The following USP31 variants were observed in gnomAD, a reference collection of about 807,000 sequenced individuals.
The protein encoded by USP31 is ubiquitin carboxyl-terminal hydrolase 31.
In USP31, 44 loss-of-function variants were observed where a neutral mutation model predicts 119.4. The observed-to-expected ratio is 0.37, with a 90% CI of 0.29 to 0.47. The LOEUF (loss-of-function observed/expected upper bound fraction) is 0.47. Ranked by LOEUF, USP31 falls within the 20% of genes least tolerant of loss-of-function variation. The pLI is 0.99. For missense variants in USP31, 1,643 were observed against 1,730.2 expected, an observed-to-expected ratio of 0.95 and a Z score of 0.89; for synonymous variants, 749 against 705.6, an observed-to-expected ratio of 1.06 and a Z score of -0.97.
rs1013890778 is a variant in USP31, at chr16:23,086,000, A to G, written c.1623-338T>C. Among the ~76,000 whole-genome samples the G allele has an allele frequency of 7.9e-5, 12 of 152,032 alleles. No homozygotes were observed. In the East Asian group the frequency reaches 1.9e-3, roughly 24 times the overall value. On this transcript the variant is annotated intron_variant, in intron 9 of 15. Transcript: ENST00000219689. ...TCTTGCCCAATTTTTCACCCACCCA[A>G]ACAGACACTGGACGGTAGTCCCCTG...
intron 1 of USP31, among the ~76,000 whole-genome samples, chr16:23,135,234 A>G (rs2141899236): frequency 6.6e-6 from 1 of 152,220 alleles, no homozygotes; most frequent in African/African-American, 2.4e-5. Flanking sequence ...AGCTAACATC[A>G]TACTGAATGG....
intron 7 of USP31, among the ~76,000 whole-genome samples, chr16:23,088,531 C>G (rs1356369546): frequency 1.3e-5 from 2 of 152,210 alleles, no homozygotes; most frequent in African/African-American, 4.8e-5. Context: ...CAACTCTCAT[C>G]CACGCCCAGT....
chr16:23,076,521 C>A (rs1900582887), intron 13 of USP31, among the ~76,000 whole-genome samples: 1 of 152,068 alleles, frequency 6.6e-6, no homozygotes, highest in Admixed American at 6.6e-5. Context: ...AACATGGTAG[C>A]CAAATTAGTG....
chr16:23,108,086 A>G lies in USP31; in HGVS notation c.731T>C (p.Leu244Pro), dbSNP rs769485272. The G allele has an allele frequency of 6.2e-7, 1 of 1,614,088 alleles. No individual in the cohort carries two copies. Among genetic ancestry groups the G allele is most frequent in the Non-Finnish European group, 8.5e-7 (1 of 1,179,990 alleles). Residue 244 changes from leucine to proline, a missense_variant, in exon 2 of 16, where the codon CTC (leucine) becomes CCC (proline). Leu to Pro is a moderately conservative substitution (Grantham distance 98). Around this residue, in one of 5 missense-constraint regions of USP31, gnomAD observed 144 missense variants for 218.0 expected, o/e 0.66. Coordinates refer to ENST00000219689, the MANE Select transcript of USP31 (RefSeq NM_020718.4). ...GCCACTCTGCTTCACTGAATGGTTG[A>G]GGTCTTCATGAACTCGGTCCAAAAG... is the stretch of plus-strand genomic sequence containing the variant. ...LWLLDRVHEDLNHSVKQSGQP... is the reference protein window; with the variant it reads ...LWLLDRVHEDPNHSVKQSGQP...
At position 23,080,030 on chromosome 16, in the gene USP31, G is replaced by A. The variant is rs779096109; in HGVS notation, c.2092C>T (p.Leu698Phe). Residue 698 changes from leucine (L) to phenylalanine (F), a missense_variant, in exon 13 of 16, where the codon CTC (leucine) becomes TTC (phenylalanine). Leu to Phe is a conservative substitution (Grantham distance 22). Around this residue, in one of 5 missense-constraint regions of USP31, gnomAD observed 279 missense variants for 372.2 expected, o/e 0.75. Coordinates refer to ENST00000219689, the MANE Select transcript of USP31 (RefSeq NM_020718.4). The stretch of plus-strand genomic sequence containing the variant: ...ATGTAGTCCTCAGGGTCCCTCCCGA[G>A]TCCATAGGGCCGTCTCCACGGGGAC... The part of the protein sequence containing the change: ...HWSPWRRPYG[L>F]GRDPEDYIYD... 2 of 1,613,950 alleles carry A rather than the reference G, an allele frequency of 1.2e-6. No homozygotes were observed. Among genetic ancestry groups the A allele is most frequent in the Non-Finnish European group, 1.7e-6 (2 of 1,180,036 alleles).
At chr16:23,105,630 T>A (rs995863452) in intron 4 of USP31, 54 bp from the exon 5 acceptor site, 1 of 1,473,238 alleles carries the variant, frequency 6.8e-7, no homozygotes, top group Non-Finnish European at 9.0e-7. Context: ...AACTAAAATA[T>A]AGAAGATGCA....
At chr16:23,128,333 T>C (rs1377013557) in intron 1 of USP31, among the ~76,000 whole-genome samples, 1 of 152,182 alleles carries the variant, frequency 6.6e-6, no homozygotes, top group East Asian at 1.9e-4. Context: ...AGGCTACTAG[T>C]ACAGTCTCAA....
intron 7 of USP31, among the ~76,000 whole-genome samples, chr16:23,088,633 C>A (rs1026659301): frequency 4.6e-5 from 7 of 152,192 alleles, no homozygotes; most frequent in Admixed American, 2.0e-4. Flanking sequence ...ACCCTCCCCA[C>A]CCTTCTGAGT....
chr16:23,083,376 A>T (rs1323823540), intron 11 of USP31, among the ~76,000 whole-genome samples: 1 of 152,056 alleles, frequency 6.6e-6, no homozygotes, highest in African/African-American at 2.4e-5. Flanking sequence ...TGAAGGCAAA[A>T]ATGTTGTTTA....
At chr16:23,139,221 G>T (rs1397891213) in intron 1 of USP31, among the ~76,000 whole-genome samples, 1 of 152,126 alleles carries the variant, frequency 6.6e-6, no homozygotes, top group Admixed American at 6.6e-5. Flanking sequence ...TGGCCAACAT[G>T]GTGAAACCCC....
At position 23,149,346 on chromosome 16, in the gene USP31, G is replaced by A. The variant is rs1332217504; in HGVS notation, c.-76C>T. On this transcript the variant is annotated 5_prime_UTR_variant, in exon 1 of 16. Coordinates refer to ENST00000219689, the MANE Select transcript of USP31 (RefSeq NM_020718.4). The stretch of plus-strand genomic sequence containing the variant: ...CCCGCCACGGCCGCCGCCGCATCCC[G>A]CAGCGCCGCGCCTCACCGGGCCCGG... The A allele has an allele frequency of 1.2e-5, 12 of 997,080 alleles. No individual in the cohort carries two copies. Among genetic ancestry groups the A allele is most frequent in the Non-Finnish European group, 1.4e-5 (12 of 839,488 alleles). 61.8% of individuals were successfully genotyped at this position (997,080 alleles called of 1,614,324 possible). A position where few individuals can be genotyped will look rare whatever the true frequency, so the allele number is the denominator to read the frequency against.
chr16:23,122,838 G>A (rs1902719145), intron 1 of USP31, among the ~76,000 whole-genome samples: 1 of 151,854 alleles, frequency 6.6e-6, no homozygotes, highest in African/African-American at 2.4e-5. Context: ...TTTTTGGGGG[G>A]GATAATTAAA....
rs1054292611 is a variant in USP31, at chr16:23,066,027, T to A, written c.*2019A>T. On this transcript the variant is annotated 3_prime_UTR_variant, in exon 16 of 16. Coordinates refer to ENST00000219689, the MANE Select transcript of USP31 (RefSeq NM_020718.4). Reference sequence around the variant, plus strand: ...AACGAGAGCGGTGGCTACACACTGATGGGGCTGTGATGTGCTGGGCTGAAC... The same window carrying A: ...AACGAGAGCGGTGGCTACACACTGAAGGGGCTGTGATGTGCTGGGCTGAAC... The A allele has an allele frequency of 6.6e-6, 1 of 152,166 alleles. No homozygotes were observed. The highest frequency in any genetic ancestry group is 2.4e-5 in the African/African-American group (1 of 41,460). The allele number at this position is 152,166 out of a possible 1,614,324, so 9.4% of individuals were successfully genotyped here. A position where few individuals can be genotyped will look rare whatever the true frequency, so the allele number is the denominator to read the frequency against.
intron 1 of USP31, among the ~76,000 whole-genome samples, chr16:23,116,660 A>C (rs1477126404): frequency 6.6e-6 from 1 of 152,194 alleles, no homozygotes; most frequent in African/African-American, 2.4e-5. Flanking sequence ...GCTGGGGCAA[A>C]AGGCCCTTGA....
rs1239351400 is a variant in USP31 at position 23,068,754 on chromosome 16, T to G, written c.3351A>C (p.Ser1117=). The G allele has an allele frequency of 1.3e-6, 2 of 1,588,130 alleles. No individual in the cohort carries two copies. The highest frequency in any genetic ancestry group is 1.7e-6 in the Non-Finnish European group (2 of 1,168,786). Residue 1117 remains serine, a synonymous_variant, in exon 16 of 16, where the codon TCA becomes TCC. Transcript: ENST00000219689. ...AAGCAGTGTAGGTGAGGGCCGAGGC[T>G]GACTTCTGCTTCTGTGGCGAAGGAG... ...VSSPSPQKQK[S]ASALTYTASS...
rs1464937693 is a variant in USP31, at chr16:23,061,793, GACA to G, written c.*6250_*6252del. 1.3e-5 allele frequency: 2 copies of G among 152,516 alleles called. No individual in the cohort carries two copies. Among genetic ancestry groups the G allele is most frequent in the Admixed American group, 6.5e-5 (1 of 15,286 alleles). The allele number at this position is 152,516 out of a possible 1,614,324, so 9.4% of individuals were successfully genotyped here. A position where few individuals can be genotyped will look rare whatever the true frequency, so the allele number is the denominator to read the frequency against. ...CAGTGATGTGACATGCAGCTTTCAA[GACA>G]ACTACAGAAATTCCAGTGTAAAAAC... On this transcript the variant is annotated 3_prime_UTR_variant, in exon 16 of 16. Coordinates refer to ENST00000219689, the MANE Select transcript of USP31 (RefSeq NM_020718.4).
chr16:23,106,138 A>C (rs1366526875), intron 4 of USP31, 75 bp downstream of exon 4: 8 of 1,480,528 alleles, frequency 5.4e-6, no homozygotes, highest in Non-Finnish European at 7.5e-6. Flanking sequence ...AAGTAAGAAG[A>C]CCTAATAGGA....
chr16:23,128,823 G>C (rs893228024), intron 1 of USP31, among the ~76,000 whole-genome samples: 1 of 152,124 alleles, frequency 6.6e-6, no homozygotes, highest in Non-Finnish European at 1.5e-5. Context: ...CCTCAAACTT[G>C]AGTCTCTAAA....
chr16:23,084,219 G>A (rs534724353), intron 11 of USP31, among the ~76,000 whole-genome samples: 1 of 152,082 alleles, frequency 6.6e-6, no homozygotes, highest in African/African-American at 2.4e-5. Flanking sequence ...TGTTTATAAG[G>A]TGCATAAAAA....
Sources: allele counts gnomAD v4.1 joint callset (sites outside exome capture counted in the v4.1 genomes callset), GRCh38; gene constraint gnomAD v4.1.1; regional missense constraint gnomAD v4.1.1; transcripts MANE v1.5; gene names NCBI Gene and HGNC (gene_info 2026-07-23, HGNC 2026-07-21).